The following C8orf74 variants were observed in gnomAD, a reference collection of about 807,000 sequenced individuals.
The protein encoded by C8orf74 is chromosome 8 open reading frame 74.
C8orf74 carries 29 observed loss-of-function variants against 22.2 expected under a neutral mutation model. The observed-to-expected ratio is 1.31, with a 90% CI of 0.97 to 1.78. C8orf74 has a LOEUF of 1.78. Among genes scored for constraint, C8orf74 ranks in the 40% most tolerant of loss-of-function variants. The pLI is 0.00. For synonymous variants in C8orf74, 255 were observed against 163.1 expected (o/e 1.56, Z -4.30); for missense variants, 515 against 369.9 (o/e 1.39, Z -3.22).
chr8:10,695,200 A>G (rs1471729640), intron 2 of C8orf74, among the ~76,000 whole-genome samples: 1 of 152,176 alleles, frequency 6.6e-6, no homozygotes, highest in Non-Finnish European at 1.5e-5. Context: ...GAAGCTGGAC[A>G]TCTTACCCCA....
intron 2 of C8orf74, among the ~76,000 whole-genome samples, chr8:10,694,859 G>C (rs569357441): frequency 3.3e-5 from 5 of 152,126 alleles, no homozygotes; most frequent in African/African-American, 4.8e-5. Flanking sequence ...AAAATGGATG[G>C]ATGGAAGAGT....
chr8:10,673,926 C>A (rs576353985), intron 1 of C8orf74, among the ~76,000 whole-genome samples: 1 of 151,202 alleles, frequency 6.6e-6, no homozygotes, highest in Non-Finnish European at 1.5e-5. Context: ...CGATATCATA[C>A]CCTGCAGCCC....
Position 10,674,728 on chromosome 8 carries a change from T to G in C8orf74, c.131T>G (p.Leu44Arg). Residue 44 changes from leucine (L) to arginine (R), a missense_variant, in exon 2 of 4, where the codon CTG becomes CGG. Coordinates refer to ENST00000304519, the MANE Select transcript of C8orf74 (RefSeq NM_001040032.2). ...CAGAGAGACTCCCGGAGGAGCATCC[T>G]GCTGGACACCCTCTACGAGAGCATC... Reference protein sequence around the residue: ...DEQRDSRRSILLDTLYESIIF... With the variant: ...DEQRDSRRSIRLDTLYESIIF... The G allele has an allele frequency of 6.2e-7, 1 of 1,608,616 alleles. No homozygotes were observed. The highest frequency in any genetic ancestry group is 1.1e-5 in the South Asian group (1 of 89,666).
intron 3 of C8orf74, 75 bp from the exon 4 acceptor site, chr8:10,700,160 A>G: frequency 1.0e-6 from 1 of 952,460 alleles, no homozygotes; most frequent in African/African-American, 1.7e-5. Flanking sequence ...TCGTACCTGC[A>G]ACAGGGGCTG....
intron 3 of C8orf74, among the ~76,000 whole-genome samples, chr8:10,699,003 A>C (rs1462725387): frequency 6.6e-6 from 1 of 152,038 alleles, no homozygotes; most frequent in Non-Finnish European, 1.5e-5. Flanking sequence ...TCCAAGGATA[A>C]GTCTCCAGAC....
rs770645396 is a variant in C8orf74 at position 10,678,205 on chromosome 8, G to A, written c.241+3367G>A. Among the ~76,000 whole-genome samples, 15 of 152,198 alleles carry A rather than the reference G, an allele frequency of 9.9e-5. 1 individual carries two copies. Among genetic ancestry groups the A allele is most frequent in the South Asian group, 8.3e-4 (4 of 4,818 alleles). On this transcript the variant is annotated intron_variant, in intron 2 of 3. Transcript: ENST00000304519. ...GGTCTTACCTGGCCCTTTACTGGGT[G>A]CGTGGTCTAGGGCAAGTCTCATCCT...
At chr8:10,695,190 G>A (rs1022699151) in intron 2 of C8orf74, among the ~76,000 whole-genome samples, 7 of 152,146 alleles carry the variant, frequency 4.6e-5, no homozygotes, top group South Asian at 2.1e-4. Flanking sequence ...GGCTCTGTAC[G>A]AAGCTGGACA....
chr8:10,696,891 G>C (rs994692322), intron 2 of C8orf74, among the ~76,000 whole-genome samples: 16 of 151,076 alleles, frequency 1.1e-4, no homozygotes, highest in Admixed American at 6.6e-5. Flanking sequence ...CAGGTGTGGT[G>C]GTTCACTCTT....
At chr8:10,697,378 C>T (rs1018712998) in intron 2 of C8orf74, among the ~76,000 whole-genome samples, 8 of 152,144 alleles carry the variant, frequency 5.3e-5, no homozygotes, top group Non-Finnish European at 8.8e-5. Context: ...GCGGCTGCAG[C>T]GAGCTGCAGC....
chr8:10,699,548 G>C (rs1392046721), intron 3 of C8orf74, among the ~76,000 whole-genome samples: 2 of 152,202 alleles, frequency 1.3e-5, no homozygotes, highest in African/African-American at 4.8e-5. Context: ...AAGGAACCTA[G>C]AGAAACACAG....
chr8:10,687,116 T>G, intron 2 of C8orf74: 1 of 456,234 alleles, frequency 2.2e-6, no homozygotes. Flanking sequence ...ACCAGCTGTG[T>G]AGGAATGCCA....
intron 2 of C8orf74, among the ~76,000 whole-genome samples, chr8:10,683,585 C>G (rs558434711): frequency 5.3e-5 from 8 of 152,296 alleles, no homozygotes; most frequent in African/African-American, 1.9e-4. Context: ...GACCCCAAGT[C>G]AGGGCTCCCC....
In C8orf74 at chr8:10,697,591, G is replaced by A; in HGVS notation, c.242-8G>A. 6.2e-7 allele frequency: 1 copy of A among 1,611,014 alleles called. No individual in the cohort carries two copies. Among genetic ancestry groups the A allele is most frequent in the Non-Finnish European group, 8.5e-7 (1 of 1,178,308 alleles). ...CTCCCACTCTGTTCTTGGCCCCTGT[G>A]CCTACAGGCTGCTCCATTACTGAGG... is the stretch of plus-strand genomic sequence containing the variant. On this transcript the variant is annotated splice_region_variant and splice_polypyrimidine_tract_variant and intron_variant, in intron 2 of 3. Coordinates refer to ENST00000304519, the MANE Select transcript of C8orf74 (RefSeq NM_001040032.2).
chr8:10,684,977 G>A lies in C8orf74; in HGVS notation c.241+10139G>A, dbSNP rs148166705. Among the ~76,000 whole-genome samples the A allele has an allele frequency of 2.3e-3, 343 of 152,352 alleles. 5 individuals are homozygous for A. Among genetic ancestry groups the A allele is most frequent in the African/African-American group, 7.7e-3 (321 of 41,578 alleles). ...AATGGGAGGGTAGCATTGAGAGTGG[G>A]GGTCCTCTGAAGGAAGGAGTGATCC... On this transcript the variant is annotated intron_variant, in intron 2 of 3. Transcript: ENST00000304519.
intron 2 of C8orf74, chr8:10,691,293 C>T: frequency 4.3e-6 from 1 of 231,690 alleles, no homozygotes; most frequent in Non-Finnish European, 9.0e-6. Context: ...GCCGCCAGGA[C>T]ACCCAGGCAC....
chr8:10,679,930 G>A (rs138314911), intron 2 of C8orf74: 60 of 152,944 alleles, frequency 3.9e-4, no homozygotes, highest in Non-Finnish European at 7.2e-4. Context: ...GCTGGAGAGT[G>A]AGGAAGGCCT....
chr8:10,697,743 T>C lies in C8orf74; in HGVS notation c.386T>C (p.Leu129Pro). Residue 129 changes from leucine (L) to proline (P), a missense_variant, in exon 3 of 4, where the codon CTG (leucine) becomes CCG (proline). By Grantham distance (98) the Leu-to-Pro change is moderately conservative. Coordinates refer to ENST00000304519, the MANE Select transcript of C8orf74 (RefSeq NM_001040032.2). ...IRHYKLYQYV[L>P]GQDQQVDLTV... ...CACTACAAACTCTACCAGTATGTCC[T>C]GGGCCAGGACCAGCAGGTCGACCTG... The C allele has an allele frequency of 5.6e-6, 9 of 1,614,068 alleles. No homozygotes were observed. The highest frequency in any genetic ancestry group is 7.6e-6 in the Non-Finnish European group (9 of 1,179,896).
In C8orf74 at chr8:10,696,416, TTTTTCTTTTC is replaced by T. The variant is rs1226997745; in HGVS notation, c.242-1163_242-1154del. 9.3e-4 allele frequency among the ~76,000 whole-genome samples: 133 copies of T among 143,360 alleles called. 1 individual carries two copies. Among genetic ancestry groups the T allele is most frequent in the South Asian group, 8.6e-3 (41 of 4,756 alleles). The allele number at this position is 143,360 out of a possible 152,430, so 94.0% of individuals were successfully genotyped here. A position where few individuals can be genotyped will look rare whatever the true frequency, so the allele number is the denominator to read the frequency against. ...CAATCACTGCCTGCTCCACTCTTTTTTTTTCTTTTCTTTTCTTTTCTTTTCTTTTTTTTTT... is the reference window on the plus strand; with the variant it reads ...CAATCACTGCCTGCTCCACTCTTTTTTTTTCTTTTCTTTTCTTTTTTTTTT... On this transcript the variant is annotated intron_variant, in intron 2 of 3. Transcript: ENST00000304519.
rs1338690567 is a variant in C8orf74, at chr8:10,697,639, G to A, written c.282G>A (p.Lys94=). ...ITEAVTILGN[K]LRDYRGHFNT... ...AGGCTGTGACGATCCTGGGGAACAA[G>A]CTTAGAGATTACCGGGGCCATTTCA... The change falls in exon 3 of 4, where the codon AAG becomes AAA. Residue 94 remains lysine (K), a synonymous_variant. Coordinates refer to ENST00000304519, the MANE Select transcript of C8orf74 (RefSeq NM_001040032.2). The A allele has an allele frequency of 6.2e-7, 1 of 1,613,946 alleles. No homozygotes were observed. The highest frequency in any genetic ancestry group is 1.1e-5 in the South Asian group (1 of 91,072).
Sources: gnomAD v4.1 joint callset for allele counts (sites outside exome capture counted in the v4.1 genomes callset) on GRCh38, gnomAD v4.1.1 for gene constraint, MANE v1.5 for transcripts, NCBI Gene and HGNC (gene_info 2026-07-23, HGNC 2026-07-21) for gene names.